The following SMARCB1 variants were observed in gnomAD, a reference collection of about 807,000 sequenced individuals.
SMARCB1 encodes SWI/SNF related BAF chromatin remodeling complex subunit B1.
In SMARCB1, 5 loss-of-function variants were observed where a neutral mutation model predicts 49.0. The ratio of observed to expected loss-of-function variants is 0.10; its 90% CI spans 0.05 to 0.21. The LOEUF is 0.21. SMARCB1 is among the 10% of genes least tolerant of loss of function. The pLI is 1.00. For missense variants in SMARCB1, 226 were observed against 509.2 expected (o/e 0.44, Z 5.35); for synonymous variants, 201 against 200.1 (o/e 1.00, Z -0.04).
chr22:23,816,579 AG>A (rs1299144333), intron 5 of SMARCB1, 190 bp from the exon 6 acceptor site: 1 of 668,682 alleles, frequency 1.5e-6, no homozygotes, highest in Admixed American at 2.1e-5. Flanking sequence ...GTGCAGGATG[AG>A]GGCTGGGGGC....
At chr22:23,810,033 G>C (rs561395843) in intron 5 of SMARCB1, among the ~76,000 whole-genome samples, 7 of 147,854 alleles carry the variant, frequency 4.7e-5, no homozygotes, top group Non-Finnish European at 9.0e-5. Context: ...TTAGCCGGGC[G>C]TGGTGGCGCA....
At chr22:23,824,910 A>G in intron 6 of SMARCB1, 1 of 471,966 alleles carries the variant, frequency 2.1e-6, no homozygotes, top group South Asian at 2.2e-5. Context: ...AAGGGCAGAA[A>G]GGAAGGTCCC....
Position 23,836,251 on chromosome 22 carries a change from A to T in SMARCB1, c.*2071A>T. ...AGTCCTGGCCCTCTTCTGCACCTGA[A>T]TCCATGGGGCTTTGGCATCACCAGA... On this transcript the variant is annotated 3_prime_UTR_variant, in exon 9 of 9. Transcript: ENST00000644036. The T allele has an allele frequency of 1.0e-6, 1 of 985,446 alleles. No homozygotes were observed. The highest frequency in any genetic ancestry group is 1.2e-6 in the Non-Finnish European group (1 of 829,952). The allele number at this position is 985,446 out of a possible 1,614,324, so 61.0% of individuals were successfully genotyped here. A position where few individuals can be genotyped will look rare whatever the true frequency, so the allele number is the denominator to read the frequency against.
At chr22:23,819,558 G>A (rs543813628) in intron 6 of SMARCB1, among the ~76,000 whole-genome samples, 9 of 152,034 alleles carry the variant, frequency 5.9e-5, no homozygotes, top group East Asian at 3.9e-4. Flanking sequence ...CTCAAACTCC[G>A]CCTCAGCCTC....
intron 2 of SMARCB1, 75 bp downstream of exon 2, chr22:23,791,969 C>A: frequency 6.6e-7 from 1 of 1,506,716 alleles, no homozygotes; most frequent in Middle Eastern, 1.7e-4. Context: ...CGTTTTCACT[C>A]CAGAGTGTCT....
intron 3 of SMARCB1, among the ~76,000 whole-genome samples, chr22:23,796,317 T>C (rs1351063548): frequency 6.6e-6 from 1 of 151,856 alleles, no homozygotes; most frequent in Non-Finnish European, 1.5e-5. Context: ...TAGTGACGGG[T>C]CAGCCACTTG....
chr22:23,793,514 C>T (rs2145963351), intron 2 of SMARCB1, 45 bp from the exon 3 acceptor site: 1 of 1,610,580 alleles, frequency 6.2e-7, no homozygotes, highest in Non-Finnish European at 8.5e-7. Context: ...CTGCTGTGTG[C>T]CACCGCCACC....
chr22:23,787,650 C>T (rs559437151), intron 1 of SMARCB1, among the ~76,000 whole-genome samples: 96 of 152,238 alleles, frequency 6.3e-4, no homozygotes, highest in African/African-American at 2.2e-3. Flanking sequence ...CACGTGCACC[C>T]CTCCCCGTAT....
chr22:23,820,633 TTGTC>T (rs71654142), intron 6 of SMARCB1, among the ~76,000 whole-genome samples: 16,048 of 152,272 alleles, frequency 0.11, 872 homozygotes, highest in South Asian at 0.17. Context: ...AGGCTTTTCT[TTGTC>T]AGGAAGATTT....
At chr22:23,798,906 C>CG (rs776971782) in intron 3 of SMARCB1, among the ~76,000 whole-genome samples, 13 of 152,164 alleles carry the variant, frequency 8.5e-5, no homozygotes, top group Middle Eastern at 3.4e-3. Flanking sequence ...AAAACTTAGC[C>CG]GGGCGTGGTG....
intron 6 of SMARCB1, among the ~76,000 whole-genome samples, chr22:23,820,073 A>G (rs141481647): frequency 0.12 from 18,812 of 151,706 alleles, 1,253 homozygotes; most frequent in South Asian, 0.27. Flanking sequence ...CAGGTGATCC[A>G]CCTGCCTTGG....
In SMARCB1 at chr22:23,835,247, C is replaced by T. The variant is rs926972140; in HGVS notation, c.*1067C>T. The T allele has an allele frequency of 5.2e-6, 6 of 1,143,676 alleles. No individual in the cohort carries two copies. The African/African-American group carries it at 9.6e-5, about 18-fold the overall frequency. The allele number at this position is 1,143,676 out of a possible 1,614,324, so 70.8% of individuals were successfully genotyped here. A position where few individuals can be genotyped will look rare whatever the true frequency, so the allele number is the denominator to read the frequency against. On this transcript the variant is annotated 3_prime_UTR_variant, in exon 9 of 9. Coordinates refer to ENST00000644036, the MANE Select transcript of SMARCB1 (RefSeq NM_003073.5). The stretch of plus-strand genomic sequence containing the variant: ...CTCATCTGTAATAGGGAGGTGTCCC[C>T]ATTCTTCAGAATGGACACAGGATCT...
chr22:23,817,165 G>T, intron 6 of SMARCB1: 1 of 595,620 alleles, frequency 1.7e-6, no homozygotes, highest in Non-Finnish European at 3.0e-6. Flanking sequence ...GTGTCTCTGA[G>T]GCACTGCCAG....
chr22:23,795,088 CA>C (rs1928654529), intron 3 of SMARCB1, among the ~76,000 whole-genome samples: 1 of 151,832 alleles, frequency 6.6e-6, no homozygotes, highest in Non-Finnish European at 1.5e-5. Flanking sequence ...AGGGAGTAAA[CA>C]AACATGGAAA....
At position 23,825,546 on chromosome 22, in the gene SMARCB1, G is replaced by T; in HGVS notation, c.986+131G>T. ...GCAGCACAATCTGGCTGGGGTCTGT[G>T]TGTTTGCTCCGTCCTCCTCCTGCCC... On this transcript the variant is annotated intron_variant, in intron 7 of 8. Transcript: ENST00000644036. 3.7e-6 allele frequency: 3 copies of T among 804,132 alleles called. No individual in the cohort carries two copies. In the South Asian group the frequency reaches 5.1e-5, roughly 14 times the overall value. The allele number at this position is 804,132 out of a possible 1,614,324, so 49.8% of individuals were successfully genotyped here. A position where few individuals can be genotyped will look rare whatever the true frequency, so the allele number is the denominator to read the frequency against.
chr22:23,791,985 G>C (rs1274460278), intron 2 of SMARCB1, 91 bp downstream of exon 2: 2 of 1,411,644 alleles, frequency 1.4e-6, no homozygotes, highest in East Asian at 2.3e-5. Context: ...TGTCTTCACT[G>C]CAGCCTTGGC....
chr22:23,803,469 G>A (rs769514506), intron 5 of SMARCB1, 47 bp downstream of exon 5: 1 of 1,609,562 alleles, frequency 6.2e-7, no homozygotes, highest in Admixed American at 1.7e-5. Flanking sequence ...ACCCCTGTGT[G>A]TTACGTGGGA....
chr22:23,832,744 C>G (rs1034443213), intron 7 of SMARCB1, among the ~76,000 whole-genome samples: 1 of 152,258 alleles, frequency 6.6e-6, no homozygotes, highest in Non-Finnish European at 1.5e-5. Context: ...AGTGTCCTGT[C>G]ACAGACTTGC....
chr22:23,792,901 G>A (rs541755726), intron 2 of SMARCB1: 5 of 164,846 alleles, frequency 3.0e-5, no homozygotes, highest in South Asian at 1.6e-4. Flanking sequence ...CCCCATAAGC[G>A]ATTGATTTCT....
Sources: allele counts gnomAD v4.1 joint callset (sites outside exome capture counted in the v4.1 genomes callset), GRCh38; gene constraint gnomAD v4.1.1; transcripts MANE v1.5; gene names NCBI Gene and HGNC (gene_info 2026-07-23, HGNC 2026-07-21).